GRB10: variants seen among roughly 807,000 people sequenced by gnomAD.
GRB10 encodes the protein growth factor receptor bound protein 10.
A neutral mutation model predicts 80.9 loss-of-function variants in GRB10; 20 were observed. The observed-to-expected ratio is 0.25, with a 90% CI of 0.17 to 0.36. The LOEUF (loss-of-function observed/expected upper bound fraction) is 0.36. GRB10 is among the 10% of genes least tolerant of loss of function. GRB10 has a pLI of 1.00. For missense variants in GRB10, 548 were observed against 747.7 expected, an observed-to-expected ratio of 0.73 and a Z score of 3.12; for synonymous variants, 291 against 291.5, an observed-to-expected ratio of 1.00 and a Z score of 0.02.
intron 3 of GRB10, among the ~76,000 whole-genome samples, chr7:50,752,009 C>T (rs570125170): frequency 2.7e-4 from 41 of 152,156 alleles, no homozygotes; most frequent in Admixed American, 5.9e-4. Context: ...TGAGGTATCT[C>T]GTTGGCTGAT....
intron 4 of GRB10, among the ~76,000 whole-genome samples, chr7:50,714,317 C>A (rs754556899): frequency 7.9e-5 from 12 of 152,200 alleles, no homozygotes; most frequent in Non-Finnish European, 1.5e-4. Context: ...TAAAGTACCA[C>A]AAGAGGATCA....
Position 50,706,963 on chromosome 7 carries a change from C to T in GRB10, c.52-3055G>A, listed in dbSNP as rs191542086. Among the ~76,000 whole-genome samples, 132 of 152,340 alleles carry T rather than the reference C, an allele frequency of 8.7e-4. 1 individual carries two copies. The highest frequency in any genetic ancestry group is 7.3e-5 in the Non-Finnish European group (5 of 68,034). ...TTGCTTCCACTTCTCCCATGACGAG[C>T]TTTTTACGCAGTAGGCAAGTAAGTT... On this transcript the variant is annotated intron_variant, in intron 4 of 18. Transcript: ENST00000401949.
chr7:50,728,807 A>G (rs2069108569), intron 4 of GRB10, among the ~76,000 whole-genome samples: 1 of 152,148 alleles, frequency 6.6e-6, no homozygotes, highest in Non-Finnish European at 1.5e-5. Flanking sequence ...AGTAGCTGGG[A>G]TAACAGGTGT....
rs142473617 is a variant in GRB10, at chr7:50,630,612, A to C, written c.505-3634T>G. Among the ~76,000 whole-genome samples the C allele has an allele frequency of 7.9e-5, 12 of 152,356 alleles. No individual in the cohort carries two copies. In the East Asian group the frequency reaches 2.3e-3, roughly 29 times the overall value. ...TTCTGAGAAAGCAAACCTCATGACC[A>C]GTTAAGATGCAGCAGGAACAATTCA... On this transcript the variant is annotated intron_variant, in intron 7 of 18. Coordinates refer to ENST00000401949, the MANE Select transcript of GRB10 (RefSeq NM_001350814.2).
At chr7:50,653,544 G>C (rs1387338331) in intron 7 of GRB10, among the ~76,000 whole-genome samples, 1 of 152,152 alleles carries the variant, frequency 6.6e-6, no homozygotes, top group Non-Finnish European at 1.5e-5. Context: ...CACACGTGCA[G>C]CTTAGGCTCT....
intron 7 of GRB10, among the ~76,000 whole-genome samples, chr7:50,644,810 A>G (rs188090915): frequency 0.04 from 6,018 of 152,314 alleles, 171 homozygotes; most frequent in Non-Finnish European, 0.061. Context: ...CCCATGACCA[A>G]GAAGGTGTGG....
chr7:50,648,073 C>T (rs943587331), intron 7 of GRB10, among the ~76,000 whole-genome samples: 14 of 151,924 alleles, frequency 9.2e-5, no homozygotes, highest in Admixed American at 5.2e-4. Context: ...GAATGTAAAC[C>T]GGGGAGTAAT....
At chr7:50,691,967 T>A (rs1226147327) in intron 5 of GRB10, among the ~76,000 whole-genome samples, 2 of 152,184 alleles carry the variant, frequency 1.3e-5, no homozygotes. Context: ...TAACAAAAGT[T>A]ACTTCTGCAC....
intron 5 of GRB10, among the ~76,000 whole-genome samples, chr7:50,676,344 G>GGGGCGGGGGC (rs1563400728): frequency 2.2e-5 from 3 of 136,008 alleles, no homozygotes; most frequent in Non-Finnish European, 1.7e-5. Context: ...CCGGGGGGGG[G>GGGGCGGGGGC]GGGGGGTTGT....
intron 7 of GRB10, among the ~76,000 whole-genome samples, chr7:50,659,832 C>T (rs1469412542): frequency 2.6e-5 from 4 of 152,214 alleles, no homozygotes; most frequent in Admixed American, 6.5e-5. Context: ...TTTGCTTGCA[C>T]GGTTTCAGGG....
intron 7 of GRB10, among the ~76,000 whole-genome samples, chr7:50,665,930 T>C (rs1342338810): frequency 6.6e-6 from 1 of 152,160 alleles, no homozygotes; most frequent in African/African-American, 2.4e-5. Flanking sequence ...CCAACCCAGA[T>C]GACTCAGGCA....
intron 5 of GRB10, among the ~76,000 whole-genome samples, chr7:50,697,352 A>G (rs975393354): frequency 1.3e-5 from 2 of 152,234 alleles, no homozygotes; most frequent in Non-Finnish European, 2.9e-5. Context: ...AAGTAATTCC[A>G]GCTATTGCAA....
At chr7:50,648,093 G>A (rs546251750) in intron 7 of GRB10, among the ~76,000 whole-genome samples, 5 of 152,230 alleles carry the variant, frequency 3.3e-5, no homozygotes, top group African/African-American at 1.2e-4. Flanking sequence ...TCAACATAGG[G>A]ACAAGATGGA....
intron 13 of GRB10, among the ~76,000 whole-genome samples, chr7:50,612,086 T>C (rs1308582815): frequency 6.6e-6 from 1 of 152,218 alleles, no homozygotes; most frequent in Non-Finnish European, 1.5e-5. Flanking sequence ...CATTACTCTA[T>C]ATGCAGTACC....
chr7:50,658,737 C>T (rs1410192749), intron 7 of GRB10, among the ~76,000 whole-genome samples: 3 of 152,176 alleles, frequency 2.0e-5, no homozygotes, highest in Non-Finnish European at 4.4e-5. Context: ...ATTTGTACTC[C>T]GGAGAAACAC....
intron 8 of GRB10, among the ~76,000 whole-genome samples, chr7:50,625,414 A>G (rs983239868): frequency 3.9e-5 from 6 of 152,150 alleles, no homozygotes; most frequent in African/African-American, 1.4e-4. Context: ...TCATACATAT[A>G]TATACACATG....
Position 50,782,337 on chromosome 7 carries a change from G to A in GRB10, c.-327+87C>T, listed in dbSNP as rs942692732. On this transcript the variant is annotated intron_variant, in intron 1 of 18. Transcript: ENST00000401949. The surrounding 1 kb of genome is among the most constrained non-coding windows in gnomAD (Gnocchi z 6.6). ...GCCGCGGCCGGGGCCTCTGCAGCCT[G>A]CGCAGGCCGATCCGCCCGCCGCCCC... 5.8e-4 allele frequency: 86 copies of A among 149,208 alleles called. 2 individuals carry two copies. The highest frequency in any genetic ancestry group is 1.6e-3 in the African/African-American group (67 of 41,188). The allele number at this position is 149,208 out of a possible 1,614,324, so 9.2% of individuals were successfully genotyped here.
At position 50,759,531 on chromosome 7, in the gene GRB10, GATTA is replaced by G. The variant is rs201383513; in HGVS notation, c.-216-3479_-216-3476del. On this transcript the variant is annotated intron_variant, in intron 2 of 18. Coordinates refer to ENST00000401949, the MANE Select transcript of GRB10 (RefSeq NM_001350814.2). ...TTCCATTCACTTTAAAACATTTCTA[GATTA>G]ATTACAATACCTGACATGATGTAAA... is the stretch of plus-strand genomic sequence containing the variant. Among the ~76,000 whole-genome samples, 1,115 of 152,262 alleles carry G rather than the reference GATTA, an allele frequency of 7.3e-3. 15 individuals carry two copies. Among genetic ancestry groups the G allele is most frequent in the African/African-American group, 0.022 (907 of 41,530 alleles).
At chr7:50,726,286 T>C (rs949112467) in intron 4 of GRB10, among the ~76,000 whole-genome samples, 3 of 151,978 alleles carry the variant, frequency 2.0e-5, no homozygotes, top group Non-Finnish European at 4.4e-5. Flanking sequence ...TAATTCCAGG[T>C]ACTCGGGAGG....
Sources: allele counts gnomAD v4.1 joint callset (sites outside exome capture counted in the v4.1 genomes callset), GRCh38; gene constraint gnomAD v4.1.1; non-coding constraint Gnocchi (gnomAD v3.1); transcripts MANE v1.5; gene names NCBI Gene and HGNC (gene_info 2026-07-23, HGNC 2026-07-21).